NAB1: variants seen among roughly 807,000 people sequenced by gnomAD.
The protein encoded by NAB1 is NGFI-A-binding protein 1.
A neutral mutation model predicts 49.9 loss-of-function variants in NAB1; 25 were observed. The observed-to-expected ratio is 0.50, with a 90% CI of 0.37 to 0.70. The LOEUF (loss-of-function observed/expected upper bound fraction) is 0.70, where lower values mean the gene tolerates loss of function less well. NAB1 is among the 30% of genes least tolerant of loss of function. The probability of loss-of-function intolerance (pLI) is 0.00; values close to 1 mark genes in which losing one functional copy is unlikely to be tolerated. For synonymous variants in NAB1, 198 were observed against 215.6 expected (o/e 0.92, Z 0.71); for missense variants, 489 against 575.9 (o/e 0.85, Z 1.54).
Position 190,666,927 on chromosome 2 carries a change from T to A in NAB1, c.820-3399T>A, listed in dbSNP as rs1033063424. 6.6e-6 allele frequency among the ~76,000 whole-genome samples: 1 copy of A among 152,228 alleles called. No individual in the cohort carries two copies. The highest frequency in any genetic ancestry group is 1.5e-5 in the Non-Finnish European group (1 of 68,038). On this transcript the variant is annotated intron_variant, in intron 4 of 9. Coordinates refer to ENST00000337386, the MANE Select transcript of NAB1 (RefSeq NM_005966.4). The surrounding 1 kb of genome is among the most constrained non-coding windows in gnomAD (Gnocchi z 5.6). ...TCATATTTTCCCAACTGCTTGGGAA[T>A]ATTTTCATTTTTCTTTTGTAATTAT...
chr2:190,681,262 T>C (rs912596395), intron 6 of NAB1, among the ~76,000 whole-genome samples: 1 of 152,186 alleles, frequency 6.6e-6, no homozygotes, highest in African/African-American at 2.4e-5. Flanking sequence ...ACATAAAATA[T>C]AGAACATAGG....
rs972148967 is a variant in NAB1, at chr2:190,663,157, A to G, written c.819+3162A>G. 6.6e-6 allele frequency among the ~76,000 whole-genome samples: 1 copy of G among 152,192 alleles called. No individual in the cohort carries two copies. Among genetic ancestry groups the G allele is most frequent in the Admixed American group, 6.5e-5 (1 of 15,274 alleles). ...AAATGCTGGACTTTTCCTTCTGATGATTTTTAAAAATGAATTATGGTAGTC... is the reference window on the plus strand; with the variant it reads ...AAATGCTGGACTTTTCCTTCTGATGGTTTTTAAAAATGAATTATGGTAGTC... On this transcript the variant is annotated intron_variant, in intron 4 of 9. Transcript: ENST00000337386. This position sits in a 1 kb window ranked among gnomAD's most constrained non-coding sequence, Gnocchi z 4.2.
At position 190,689,211 on chromosome 2, in the gene NAB1, G is replaced by A. The variant is rs1398360425; in HGVS notation, c.1376-1034G>A. 2.6e-5 allele frequency among the ~76,000 whole-genome samples: 4 copies of A among 152,120 alleles called. No individual in the cohort carries two copies. Among genetic ancestry groups the A allele is most frequent in the African/African-American group, 7.2e-5 (3 of 41,416 alleles). ...GGTCCAGATCTTAGCACCGATACTT[G>A]ACTGAGTGACCCTGACTGAGTTACT... On this transcript the variant is annotated intron_variant, in intron 9 of 9. Transcript: ENST00000337386. The surrounding 1 kb of genome is among the most constrained non-coding windows in gnomAD (Gnocchi z 4.3).
rs1693998366 is a variant in NAB1 at position 190,657,694 on chromosome 2, T to TAG, written c.-19-1463_-19-1462dup. ...AGGTTCCAGGAGATGGGACTTCCGG[T>TAG]AGTCAGTGCTTAGAGTGGTAGGGAC... On this transcript the variant is annotated intron_variant, in intron 3 of 9. Transcript: ENST00000337386. The surrounding 1 kb of genome is among the most constrained non-coding windows in gnomAD (Gnocchi z 4.4). Among the ~76,000 whole-genome samples the TAG allele has an allele frequency of 6.6e-6, 1 of 152,186 alleles. No individual in the cohort carries two copies. The highest frequency in any genetic ancestry group is 2.1e-4 in the South Asian group (1 of 4,824).
Position 190,682,325 on chromosome 2 carries a change from C to T in NAB1, c.1006-1413C>T, listed in dbSNP as rs1468870636. 1.3e-5 allele frequency among the ~76,000 whole-genome samples: 2 copies of T among 152,152 alleles called. No individual in the cohort carries two copies. Among genetic ancestry groups the T allele is most frequent in the Non-Finnish European group, 2.9e-5 (2 of 68,032 alleles). ...GATAGGTTCTCCTATCCTCAATTTT[C>T]CTGTGAGGAAACTGAAGTTCAGAAA... On this transcript the variant is annotated intron_variant, in intron 6 of 9. Coordinates refer to ENST00000337386, the MANE Select transcript of NAB1 (RefSeq NM_005966.4). The surrounding 1 kb of genome is among the most constrained non-coding windows in gnomAD (Gnocchi z 4.1).
chr2:190,676,069 T>A lies in NAB1; in HGVS notation c.1005+2917T>A, dbSNP rs1000001698. On this transcript the variant is annotated intron_variant, in intron 6 of 9. Coordinates refer to ENST00000337386, the MANE Select transcript of NAB1 (RefSeq NM_005966.4). This position sits in a 1 kb window ranked among gnomAD's most constrained non-coding sequence, Gnocchi z 4.6. ...CTTTTCACCAAGTACTGGTGCTTTA[T>A]GTCTACCTTCTATATGGCTTCTGGG... 4.6e-5 allele frequency among the ~76,000 whole-genome samples: 7 copies of A among 152,230 alleles called. No homozygotes were observed. Among genetic ancestry groups the A allele is most frequent in the Non-Finnish European group, 7.3e-5 (5 of 68,040 alleles).
At chr2:190,681,429 AAAACTTATTT>A (rs1695338460) in intron 6 of NAB1, among the ~76,000 whole-genome samples, 5 of 152,206 alleles carry the variant, frequency 3.3e-5, no homozygotes, top group East Asian at 3.8e-4. Context: ...GTCTAAATAG[AAAACTTATTT>A]ATAAGAAAAC....
At chr2:190,661,010 C>G (rs1321410025) in intron 4 of NAB1, among the ~76,000 whole-genome samples, 1 of 151,696 alleles carries the variant, frequency 6.6e-6, no homozygotes, top group African/African-American at 2.4e-5. Context: ...TGGGTGCAGC[C>G]TGGACCTCCA....
chr2:190,650,425 T>A (rs1693603264), intron 2 of NAB1, among the ~76,000 whole-genome samples: 1 of 152,184 alleles, frequency 6.6e-6, no homozygotes, highest in African/African-American at 2.4e-5. Flanking sequence ...TAATAGATAA[T>A]ATGAGATTGC....
chr2:190,664,418 A>G (rs1029916357), intron 4 of NAB1, among the ~76,000 whole-genome samples: 4 of 150,992 alleles, frequency 2.6e-5, no homozygotes, highest in Admixed American at 6.6e-5. Flanking sequence ...ATCACAGCTT[A>G]CTGTATCCTC....
rs527421699 is a variant in NAB1, at chr2:190,679,937, G to C, written c.1006-3801G>C. 1.3e-4 allele frequency among the ~76,000 whole-genome samples: 20 copies of C among 152,278 alleles called. No homozygotes were observed. The South Asian group carries it at 3.7e-3, about 28-fold the overall frequency. ...CTGCTTACCTGGCTTATCTACACAC[G>C]GAGGTCTCACTAGCAAATGAGCTCA... is the stretch of plus-strand genomic sequence containing the variant. On this transcript the variant is annotated intron_variant, in intron 6 of 9. Coordinates refer to ENST00000337386, the MANE Select transcript of NAB1 (RefSeq NM_005966.4). The surrounding 1 kb of genome is among the most constrained non-coding windows in gnomAD (Gnocchi z 5.3).
At chr2:190,673,917 G>T (rs1694948082) in intron 6 of NAB1, among the ~76,000 whole-genome samples, 1 of 152,034 alleles carries the variant, frequency 6.6e-6, no homozygotes, top group South Asian at 2.1e-4. Flanking sequence ...TGGAAATCTG[G>T]TCAGGTGGCT....
Position 190,685,666 on chromosome 2 carries a change from T to A in NAB1, c.1258+28T>A. 1 of 1,537,558 alleles carries A rather than the reference T, an allele frequency of 6.5e-7. No individual in the cohort carries two copies. The highest frequency in any genetic ancestry group is 8.8e-7 in the Non-Finnish European group (1 of 1,139,784). ...ACATCTTTAGAATATCCTATGCCTTTAGGGCCACTATGTGCACTTCAAAGA... is the reference window on the plus strand; with the variant it reads ...ACATCTTTAGAATATCCTATGCCTTAAGGGCCACTATGTGCACTTCAAAGA... On this transcript the variant is annotated intron_variant, in intron 8 of 9. Coordinates refer to ENST00000337386, the MANE Select transcript of NAB1 (RefSeq NM_005966.4). This position sits in a 1 kb window ranked among gnomAD's most constrained non-coding sequence, Gnocchi z 4.5.
At chr2:190,653,290 C>G (rs1051013212) in intron 2 of NAB1, among the ~76,000 whole-genome samples, 2 of 151,996 alleles carry the variant, frequency 1.3e-5, no homozygotes, top group African/African-American at 4.8e-5. Flanking sequence ...CTCAATCTTT[C>G]ATTAATGTGC....
chr2:190,653,616 A>T (rs1693776890), intron 2 of NAB1: 1 of 152,220 alleles, frequency 6.6e-6, no homozygotes. Flanking sequence ...AATGATTCCC[A>T]TAGCATGGAG....
chr2:190,665,867 G>T (rs1694489731), intron 4 of NAB1, among the ~76,000 whole-genome samples: 1 of 152,060 alleles, frequency 6.6e-6, no homozygotes, highest in African/African-American at 2.4e-5. Flanking sequence ...GCCTTACATT[G>T]GGTGTGTGTG....
In NAB1 at chr2:190,652,829, A is replaced by G. The variant is rs995204546; in HGVS notation, c.-197+2847A>G. 6.6e-6 allele frequency among the ~76,000 whole-genome samples: 1 copy of G among 152,324 alleles called. No individual in the cohort carries two copies. The highest frequency in any genetic ancestry group is 1.9e-4 in the East Asian group (1 of 5,188). On this transcript the variant is annotated intron_variant, in intron 2 of 9. Coordinates refer to ENST00000337386, the MANE Select transcript of NAB1 (RefSeq NM_005966.4). The surrounding 1 kb of genome is among the most constrained non-coding windows in gnomAD (Gnocchi z 4.2). The stretch of plus-strand genomic sequence containing the variant: ...TAAGTAACCCATAAAGTGTAGCTGA[A>G]CTATATTTAATCATTTTAGCTTGAG...
chr2:190,681,143 G>T (rs971179431), intron 6 of NAB1, among the ~76,000 whole-genome samples: 1 of 152,154 alleles, frequency 6.6e-6, no homozygotes, highest in African/African-American at 2.4e-5. Flanking sequence ...TTTCATAAAG[G>T]TAGTAACTCT....
At chr2:190,668,213 T>G (rs1244892552) in intron 4 of NAB1, among the ~76,000 whole-genome samples, 1 of 152,148 alleles carries the variant, frequency 6.6e-6, no homozygotes, top group Non-Finnish European at 1.5e-5. Flanking sequence ...TTCTTAAAAT[T>G]TTAGTATACC....
Sources: allele counts gnomAD v4.1 joint callset (sites outside exome capture counted in the v4.1 genomes callset), GRCh38; gene constraint gnomAD v4.1.1; non-coding constraint Gnocchi (gnomAD v3.1); transcripts MANE v1.5; gene names NCBI Gene and HGNC (gene_info 2026-07-23, HGNC 2026-07-21).